The following CAMKK2 variants were observed in gnomAD, a reference collection of about 807,000 sequenced individuals.
The protein encoded by CAMKK2 is calcium/calmodulin-dependent protein kinase kinase 2.
In CAMKK2, 30 loss-of-function variants were observed where a neutral mutation model predicts 67.2. The ratio of observed to expected loss-of-function variants is 0.45; its 90% CI spans 0.33 to 0.61. The LOEUF is 0.61. CAMKK2 is among the 20% of genes least tolerant of loss of function. The pLI is 0.02. For missense variants in CAMKK2, 643 were observed against 802.0 expected (o/e 0.80, Z 2.39); for synonymous variants, 322 against 326.2 (o/e 0.99, Z 0.14).
rs200976942 is a variant in CAMKK2, at chr12:121,253,339, G to A, written c.1041C>T (p.Thr347=). 32 of 1,614,084 alleles carry A rather than the reference G, an allele frequency of 2.0e-5. No individual in the cohort carries two copies. Among genetic ancestry groups the A allele is most frequent in the Middle Eastern group, 1.6e-4 (1 of 6,084 alleles). ...FKGSDALLSN[T]VGTPAFMAPE... is the part of the protein sequence containing the mutation. The stretch of plus-strand genomic sequence containing the variant: ...GTGCCATGAAGGCGGGCGTGCCCAC[G>A]GTGTTGGAGAGGAGCGCGTCACTGC... Residue 347 remains threonine (T), a synonymous_variant, in exon 10 of 17, where the codon ACC becomes ACT. Coordinates refer to ENST00000404169, the MANE Select transcript of CAMKK2 (RefSeq NM_001270485.2). The surrounding 1 kb of genome is among the most constrained non-coding windows in gnomAD (Gnocchi z 5.0).
intron 1 of CAMKK2, among the ~76,000 whole-genome samples, chr12:121,294,445 C>T (rs1169748001): frequency 6.6e-6 from 1 of 152,210 alleles, no homozygotes; most frequent in Non-Finnish European, 1.5e-5. Flanking sequence ...ATTTAGCTAC[C>T]AGCCCACTAG....
intron 11 of CAMKK2, among the ~76,000 whole-genome samples, chr12:121,251,823 T>C (rs1319162500): frequency 1.3e-5 from 1 of 76,060 alleles, no homozygotes; most frequent in African/African-American, 5.5e-5. Context: ...CAAGACTCCA[T>C]CTCAAAAAAA....
intron 9 of CAMKK2, among the ~76,000 whole-genome samples, chr12:121,255,217 A>T (rs1217714862): frequency 8.5e-5 from 1 of 11,756 alleles, no homozygotes; most frequent in African/African-American, 4.2e-4. Context: ...TATATATATA[A>T]TTTTATATAT....
intron 1 of CAMKK2, among the ~76,000 whole-genome samples, chr12:121,282,106 T>C (rs1171462977): frequency 6.6e-6 from 1 of 152,116 alleles, no homozygotes; most frequent in Non-Finnish European, 1.5e-5. Flanking sequence ...GGCTGAGACC[T>C]ACAGGGTGAG....
At chr12:121,296,877 G>T (rs1341868431), upstream of CAMKK2, 2 of 150,834 alleles carry the variant, frequency 1.3e-5, no homozygotes, top group Non-Finnish European at 3.0e-5. This position sits in a 1 kb window ranked among gnomAD's most constrained non-coding sequence, Gnocchi z 7.1. Context: ...GCCGCGCACC[G>T]CCCCCTGCGC....
At chr12:121,274,948 C>T (rs979981118) in intron 1 of CAMKK2, among the ~76,000 whole-genome samples, 5 of 151,954 alleles carry the variant, frequency 3.3e-5, no homozygotes, top group Middle Eastern at 3.4e-3. Context: ...GCTGGAACCA[C>T]TTCTCACATA....
chr12:121,251,505 A>G (rs1439663537), intron 11 of CAMKK2, among the ~76,000 whole-genome samples: 2 of 152,196 alleles, frequency 1.3e-5, no homozygotes, highest in Non-Finnish European at 2.9e-5. Context: ...TATTGCTCAC[A>G]TAATCAAACT....
At chr12:121,279,663 G>C (rs1016010055) in intron 1 of CAMKK2, among the ~76,000 whole-genome samples, 2 of 152,174 alleles carry the variant, frequency 1.3e-5, no homozygotes, top group African/African-American at 4.8e-5. Flanking sequence ...AAAGTTGCTT[G>C]GATTTGACAA....
intron 1 of CAMKK2, among the ~76,000 whole-genome samples, chr12:121,293,867 C>T (rs1339589753): frequency 6.6e-6 from 1 of 152,132 alleles, no homozygotes; most frequent in Non-Finnish European, 1.5e-5. Flanking sequence ...CACAACAGCA[C>T]TCATTCCTTG....
intron 1 of CAMKK2, among the ~76,000 whole-genome samples, chr12:121,281,624 C>G (rs762824438): frequency 1.3e-5 from 2 of 152,236 alleles, no homozygotes; most frequent in Non-Finnish European, 2.9e-5. Context: ...AGGGGACTGA[C>G]AGTCCAATGA....
chr12:121,265,047 C>T (rs1402249589), intron 5 of CAMKK2, among the ~76,000 whole-genome samples: 1 of 151,944 alleles, frequency 6.6e-6, no homozygotes, highest in Non-Finnish European at 1.5e-5. Context: ...AAGCAAGCAT[C>T]GGGAGAGAAA....
chr12:121,240,303 G>T lies in CAMKK2; in HGVS notation c.*396C>A. 1 of 815,064 alleles carries T rather than the reference G, an allele frequency of 1.2e-6. No individual in the cohort carries two copies. Among genetic ancestry groups the T allele is most frequent in the Non-Finnish European group, 1.9e-6 (1 of 531,272 alleles). 50.5% of individuals were successfully genotyped at this position (815,064 alleles called of 1,614,324 possible). On this transcript the variant is annotated 3_prime_UTR_variant, in exon 17 of 17. Coordinates refer to ENST00000404169, the MANE Select transcript of CAMKK2 (RefSeq NM_001270485.2). This position sits in a 1 kb window ranked among gnomAD's most constrained non-coding sequence, Gnocchi z 4.4. Reference sequence around the variant, plus strand: ...TGCAGCAACCACCTCCATGGCCTCAGACCGCCGGAGTTTTCTGCTCGCCTT... The same window carrying T: ...TGCAGCAACCACCTCCATGGCCTCATACCGCCGGAGTTTTCTGCTCGCCTT...
At chr12:121,257,533 A>G (rs747203402) in intron 7 of CAMKK2, among the ~76,000 whole-genome samples, 19 of 151,964 alleles carry the variant, frequency 1.3e-4, no homozygotes, top group Non-Finnish European at 2.8e-4. Flanking sequence ...CAGGCAAAAA[A>G]ATTTTTTAAA....
At position 121,283,241 on chromosome 12, in the gene CAMKK2, G is replaced by A. The variant is rs527375953; in HGVS notation, c.-59-8656C>T. ...AGGCTCGGCTGCATCCACGGAGGCG[G>A]TGCTGGAATATTTCAGACCCAGGGC... On this transcript the variant is annotated intron_variant, in intron 1 of 16. Transcript: ENST00000404169. Among the ~76,000 whole-genome samples, 34 of 152,292 alleles carry A rather than the reference G, an allele frequency of 2.2e-4. 1 individual carries two copies. The highest frequency in any genetic ancestry group is 7.2e-4 in the Admixed American group (11 of 15,298).
Position 121,253,418 on chromosome 12 carries a change from C to T in CAMKK2, c.962G>A (p.Gly321Glu). The T allele has an allele frequency of 6.2e-7, 1 of 1,614,128 alleles. No individual in the cohort carries two copies. The highest frequency in any genetic ancestry group is 8.5e-7 in the Non-Finnish European group (1 of 1,180,024). ...RDIKPSNLLV[G>E]EDGHIKIADF... ...AGCGATCTTGATGTGCCCATCTTCTCCGACCAGGAGGTTGGAAGGTTTGAT... is the reference window on the plus strand; with the variant it reads ...AGCGATCTTGATGTGCCCATCTTCTTCGACCAGGAGGTTGGAAGGTTTGAT... The change falls in exon 10 of 17, where the codon GGA (glycine) becomes GAA (glutamate). Residue 321 changes from glycine to glutamate, a missense_variant. Physicochemically the swap from Gly to Glu is moderately conservative, Grantham distance 98. Coordinates refer to ENST00000404169, the MANE Select transcript of CAMKK2 (RefSeq NM_001270485.2). This position sits in a 1 kb window ranked among gnomAD's most constrained non-coding sequence, Gnocchi z 5.0.
Position 121,260,388 on chromosome 12 carries a change from G to A in CAMKK2, c.760-33C>T, listed in dbSNP as rs201436019. 63 of 1,600,486 alleles carry A rather than the reference G, an allele frequency of 3.9e-5. 1 individual carries two copies. The highest frequency in any genetic ancestry group is 3.5e-4 in the African/African-American group (26 of 74,690). Reference sequence around the variant, plus strand: ...CAGCCACATGGAATAGGCAGGAGACGGATGGCGGGGGAGAAAAAGAGAGAA... The same window carrying A: ...CAGCCACATGGAATAGGCAGGAGACAGATGGCGGGGGAGAAAAAGAGAGAA... On this transcript the variant is annotated intron_variant, in intron 6 of 16. Transcript: ENST00000404169.
At chr12:121,247,067 C>A (rs1180216299) in intron 14 of CAMKK2, among the ~76,000 whole-genome samples, 2 of 152,058 alleles carry the variant, frequency 1.3e-5, no homozygotes, top group African/African-American at 4.8e-5. Context: ...TAAAACCTCG[C>A]CACACCCTCC....
At chr12:121,251,235 C>A (rs146930927) in intron 11 of CAMKK2, among the ~76,000 whole-genome samples, 4 of 152,134 alleles carry the variant, frequency 2.6e-5, no homozygotes, top group African/African-American at 9.7e-5. Context: ...CTCTGAAATA[C>A]ATTAAGAAAC....
At chr12:121,252,947 A>G in intron 10 of CAMKK2, among the ~76,000 whole-genome samples, 1 of 152,198 alleles carries the variant, frequency 6.6e-6, no homozygotes, top group East Asian at 1.9e-4. Context: ...TGTTGGGCCA[A>G]TCAGAGCCAA....
Sources: allele counts gnomAD v4.1 joint callset (sites outside exome capture counted in the v4.1 genomes callset), GRCh38; gene constraint gnomAD v4.1.1; non-coding constraint Gnocchi (gnomAD v3.1); transcripts MANE v1.5; gene names NCBI Gene and HGNC (gene_info 2026-07-23, HGNC 2026-07-21).